LRP12: variants seen among roughly 807,000 people sequenced by gnomAD.
LRP12 encodes the protein low-density lipoprotein receptor-related protein 12.
In LRP12, 14 loss-of-function variants were observed where a neutral mutation model predicts 66.0. That is an observed-to-expected ratio of 0.21 (90% confidence interval 0.14 to 0.33). The LOEUF (loss-of-function observed/expected upper bound fraction) is 0.33. LRP12 is among the 10% of genes least tolerant of loss of function. The pLI, the probability that LRP12 is intolerant of heterozygous loss-of-function variation, is 1.00. For missense variants in LRP12, 889 were observed against 1,053.4 expected, an observed-to-expected ratio of 0.84 and a Z score of 2.16; for synonymous variants, 357 against 359.1, an observed-to-expected ratio of 0.99 and a Z score of 0.07.
chr8:104,523,230 C>T (rs1317143672), intron 2 of LRP12, among the ~76,000 whole-genome samples: 1 of 151,716 alleles, frequency 6.6e-6, no homozygotes, highest in Non-Finnish European at 1.5e-5. Flanking sequence ...ACCTTGCAGA[C>T]AAATTACACA....
chr8:104,518,850 G>T (rs930408158), intron 2 of LRP12, among the ~76,000 whole-genome samples: 1 of 151,982 alleles, frequency 6.6e-6, no homozygotes, highest in Non-Finnish European at 1.5e-5. Context: ...TGAAGTGGAG[G>T]CTGAGGGAGA....
intron 1 of LRP12, among the ~76,000 whole-genome samples, chr8:104,585,733 TACCCGA>T (rs904091036): frequency 6.6e-6 from 1 of 152,212 alleles, no homozygotes; most frequent in African/African-American, 2.4e-5. Flanking sequence ...ATGTACATAG[TACCCGA>T]AGCAATGTGT....
intron 1 of LRP12, among the ~76,000 whole-genome samples, chr8:104,558,902 T>C (rs1281057167): frequency 6.6e-6 from 1 of 152,014 alleles, no homozygotes; most frequent in Non-Finnish European, 1.5e-5. Context: ...AAAACCACAA[T>C]GCAGTACCAC....
intron 1 of LRP12, among the ~76,000 whole-genome samples, chr8:104,585,848 T>C (rs1215635716): frequency 2.6e-5 from 4 of 152,274 alleles, no homozygotes; most frequent in South Asian, 2.1e-4. Context: ...AATTACCAAA[T>C]TGTGGTTTAG....
chr8:104,513,998 C>G (rs551839210), intron 2 of LRP12, among the ~76,000 whole-genome samples: 1 of 152,240 alleles, frequency 6.6e-6, no homozygotes, highest in Non-Finnish European at 1.5e-5. Flanking sequence ...TCATCTCAGG[C>G]AGCATTTGTT....
chr8:104,589,220 G>C lies in LRP12; in HGVS notation c.-323C>G, dbSNP rs911003127. 6.6e-6 allele frequency among the ~76,000 whole-genome samples: 1 copy of C among 151,610 alleles called. No homozygotes were observed. Among genetic ancestry groups the C allele is most frequent in the African/African-American group, 2.4e-5 (1 of 41,358 alleles). On this transcript the variant is annotated 5_prime_UTR_variant, in exon 1 of 7. Coordinates refer to ENST00000276654, the MANE Select transcript of LRP12 (RefSeq NM_013437.5). ...GTGGCGGACGCCGGACTCCGGCCTC[G>C]CGCCGCTCGGGCTAGCCGGCGCCGC...
intron 4 of LRP12, among the ~76,000 whole-genome samples, chr8:104,498,840 T>C (rs192882310): frequency 6.6e-6 from 1 of 152,366 alleles, no homozygotes; most frequent in Non-Finnish European, 1.5e-5. Context: ...AAGAGAGGAC[T>C]AATTCTGAAT....
At chr8:104,528,449 A>G (rs1233756573) in intron 2 of LRP12, among the ~76,000 whole-genome samples, 1 of 152,104 alleles carries the variant, frequency 6.6e-6, no homozygotes, top group Non-Finnish European at 1.5e-5. Context: ...TCTATTAAAC[A>G]TTACATCTAT....
intron 1 of LRP12, among the ~76,000 whole-genome samples, chr8:104,551,387 T>C (rs1319283994): frequency 4.6e-5 from 7 of 152,196 alleles, no homozygotes; most frequent in Non-Finnish European, 8.8e-5. Flanking sequence ...TTTCAACTTT[T>C]AGATACTGGG....
chr8:104,527,696 C>T (rs568441922), intron 2 of LRP12, among the ~76,000 whole-genome samples: 76 of 151,706 alleles, frequency 5.0e-4, no homozygotes, highest in African/African-American at 1.7e-3. Context: ...GTAAGGGGAG[C>T]GAGGAGGGAT....
chr8:104,517,480 G>A (rs1366460323), intron 2 of LRP12, among the ~76,000 whole-genome samples: 1 of 151,910 alleles, frequency 6.6e-6, no homozygotes, highest in Non-Finnish European at 1.5e-5. Flanking sequence ...ACTACAAAAG[G>A]AAGTGATGTG....
intron 2 of LRP12, among the ~76,000 whole-genome samples, chr8:104,509,466 T>C (rs1810959969): frequency 6.6e-6 from 1 of 152,214 alleles, no homozygotes; most frequent in African/African-American, 2.4e-5. Flanking sequence ...GACATGAATC[T>C]TCCCTTTGTC....
chr8:104,493,939 G>A (rs1359772477), intron 6 of LRP12, among the ~76,000 whole-genome samples: 1 of 152,164 alleles, frequency 6.6e-6, no homozygotes, highest in East Asian at 1.9e-4. Flanking sequence ...GTAATAAACT[G>A]TAATCGCAAG....
chr8:104,546,559 C>T (rs1278730160), intron 1 of LRP12, among the ~76,000 whole-genome samples: 3 of 152,078 alleles, frequency 2.0e-5, no homozygotes, highest in African/African-American at 7.2e-5. Context: ...CGAAAACTCA[C>T]TCAGGTTTTC....
At chr8:104,569,832 TA>T (rs1049850174) in intron 1 of LRP12, among the ~76,000 whole-genome samples, 19 of 151,600 alleles carry the variant, frequency 1.3e-4, no homozygotes, top group Admixed American at 3.9e-4. Context: ...ATAAATAAAT[TA>T]AAAAAAGGTG....
At chr8:104,582,618 T>C (rs1042592644) in intron 1 of LRP12, among the ~76,000 whole-genome samples, 6 of 152,212 alleles carry the variant, frequency 3.9e-5, no homozygotes, top group African/African-American at 1.2e-4. Context: ...TATACTTATT[T>C]CATTGACAAA....
intron 1 of LRP12, among the ~76,000 whole-genome samples, chr8:104,578,801 G>A (rs911638014): frequency 1.3e-5 from 2 of 151,958 alleles, no homozygotes; most frequent in African/African-American, 4.8e-5. Flanking sequence ...GTGATTCATC[G>A]CATAAAGAGA....
chr8:104,517,901 T>C (rs1811095013), intron 2 of LRP12, among the ~76,000 whole-genome samples: 1 of 152,044 alleles, frequency 6.6e-6, no homozygotes, highest in African/African-American at 2.4e-5. Context: ...GGGATGACAG[T>C]AAAAATTATT....
rs1810628754 is a variant in LRP12, at chr8:104,491,468, C to G, written c.1785G>C (p.Met595Ile). The change falls in exon 7 of 7, where the codon ATG becomes ATC. Residue 595 changes from methionine (M) to isoleucine (I), a missense_variant. Physicochemically the swap from Met to Ile is conservative, Grantham distance 10. This residue lies in a region of LRP12 where 800 missense variants were observed against 964.5 expected (regional missense o/e 0.83). Transcript: ENST00000276654. The stretch of plus-strand genomic sequence containing the variant: ...TCCAAATGTTGCTTGATCTGCCTGC[C>G]ATAGGAAGCCTGACTGAAGTAAATC... ...QLGFTSVRLP[M>I]AGRSSNIWNR... is the part of the protein sequence containing the mutation. The G allele has an allele frequency of 3.1e-6, 5 of 1,613,746 alleles. No individual in the cohort carries two copies. In the Admixed American group the frequency reaches 5.0e-5, roughly 16 times the overall value.
Sources: allele counts gnomAD v4.1 joint callset (sites outside exome capture counted in the v4.1 genomes callset), GRCh38; gene constraint gnomAD v4.1.1; regional missense constraint gnomAD v4.1.1; transcripts MANE v1.5; gene names NCBI Gene and HGNC (gene_info 2026-07-23, HGNC 2026-07-21).